The following LPAR3 variants were observed in gnomAD, a reference collection of about 807,000 sequenced individuals.
LPAR3 encodes the protein lysophosphatidic acid receptor 3.
A neutral mutation model predicts 17.8 loss-of-function variants in LPAR3; 7 were observed. The observed-to-expected ratio is 0.39, with a 90% CI of 0.22 to 0.74. The LOEUF is 0.74. LPAR3 is among the 30% of genes least tolerant of loss of function. The pLI is 0.40. For missense variants in LPAR3, 391 were observed against 453.4 expected (o/e 0.86, Z 1.25); for synonymous variants, 179 against 179.9 (o/e 0.99, Z 0.04).
chr1:84,814,187 A>G lies in LPAR3; in HGVS notation c.737-16T>C. ...ACAAACGCCCCTGCAAGGAGAGAAG[A>G]GGAGGCAACAGATGCTCAGACCTTA... On this transcript the variant is annotated splice_polypyrimidine_tract_variant and intron_variant, in intron 2 of 2. Transcript: ENST00000370611. 6.2e-7 allele frequency: 1 copy of G among 1,605,918 alleles called. No homozygotes were observed.
chr1:84,833,574 C>T (rs529080949), intron 2 of LPAR3, among the ~76,000 whole-genome samples: 8 of 152,152 alleles, frequency 5.3e-5, no homozygotes, highest in South Asian at 4.1e-4. Flanking sequence ...AGAACAGCAT[C>T]GGTCAGAGGG....
At chr1:84,820,283 C>T (rs1165077394) in intron 2 of LPAR3, among the ~76,000 whole-genome samples, 1 of 152,166 alleles carries the variant, frequency 6.6e-6, no homozygotes, top group African/African-American at 2.4e-5. Context: ...TATGCTGTGC[C>T]TCATGTGTTT....
intron 1 of LPAR3, among the ~76,000 whole-genome samples, chr1:84,878,192 A>T (rs992232881): frequency 7.9e-5 from 12 of 152,172 alleles, no homozygotes; most frequent in African/African-American, 2.7e-4. Context: ...TAAAGTATTC[A>T]ATTTGATTGA....
intron 2 of LPAR3, among the ~76,000 whole-genome samples, chr1:84,814,488 C>G (rs1658895031): frequency 6.6e-6 from 1 of 152,234 alleles, no homozygotes; most frequent in African/African-American, 2.4e-5. Context: ...CGTTAGTTCT[C>G]TGAACCACAC....
intron 1 of LPAR3, among the ~76,000 whole-genome samples, chr1:84,883,357 T>C (rs1161986034): frequency 1.3e-5 from 2 of 152,228 alleles, no homozygotes; most frequent in Admixed American, 1.3e-4. Context: ...TTCTCTCTTC[T>C]ACCAATCTAG....
chr1:84,865,844 C>T lies in LPAR3; in HGVS notation c.277G>A (p.Val93Ile). The T allele has an allele frequency of 6.2e-7, 1 of 1,614,190 alleles. No individual in the cohort carries two copies. Among genetic ancestry groups the T allele is most frequent in the South Asian group, 1.1e-5 (1 of 91,084 alleles). The change falls in exon 2 of 3, where the codon GTT (valine) becomes ATT (isoleucine). Residue 93 changes from valine (V) to isoleucine (I), a missense_variant. Physicochemically the swap from Val to Ile is conservative, Grantham distance 29. Transcript: ENST00000370611. Reference protein sequence around the residue: ...YVFLMFNTGPVSKTLTVNRWF... With the variant: ...YVFLMFNTGPISKTLTVNRWF... ...CGGTTGACAGTCAAAGTTTTTGAAA[C>T]TGGGCCTGTGTTAAACATCAGGAAT...
intron 2 of LPAR3, among the ~76,000 whole-genome samples, chr1:84,817,291 A>ACC (rs11473797): frequency 5.5e-5 from 8 of 144,686 alleles, no homozygotes; most frequent in African/African-American, 1.5e-4. Flanking sequence ...ACACACACAC[A>ACC]CCCCTCACTT....
chr1:84,891,447 T>C (rs567215098), intron 1 of LPAR3, among the ~76,000 whole-genome samples: 2 of 152,102 alleles, frequency 1.3e-5, no homozygotes, highest in African/African-American at 2.4e-5. Context: ...ACTGGCAGGG[T>C]TTGCTCGCTC....
chr1:84,827,023 G>A (rs1207803328), intron 2 of LPAR3, among the ~76,000 whole-genome samples: 1 of 152,080 alleles, frequency 6.6e-6, no homozygotes, highest in African/African-American at 2.4e-5. Flanking sequence ...TCTTTTAATG[G>A]CAGTTTCACT....
chr1:84,862,462 C>G (rs778344865), intron 2 of LPAR3, among the ~76,000 whole-genome samples: 1 of 152,222 alleles, frequency 6.6e-6, no homozygotes, highest in Non-Finnish European at 1.5e-5. Flanking sequence ...TGCTTAAACT[C>G]TCAGTTTCTC....
At chr1:84,843,524 G>T (rs1446800069) in intron 2 of LPAR3, among the ~76,000 whole-genome samples, 1 of 152,266 alleles carries the variant, frequency 6.6e-6, no homozygotes, top group Non-Finnish European at 1.5e-5. Flanking sequence ...GGTGCAGTGG[G>T]TCTATTCTGC....
intron 2 of LPAR3, among the ~76,000 whole-genome samples, chr1:84,817,261 T>TCTCACA (rs374303505): frequency 6.8e-6 from 1 of 147,428 alleles, no homozygotes; most frequent in African/African-American, 2.5e-5. Flanking sequence ...CCAGGATCTA[T>TCTCACA]CACACACACA....
chr1:84,868,305 T>G (rs1465309185), intron 1 of LPAR3, among the ~76,000 whole-genome samples: 1 of 152,202 alleles, frequency 6.6e-6, no homozygotes, highest in Admixed American at 6.5e-5. Flanking sequence ...AGACGGGGTT[T>G]CACCATGTTG....
At chr1:84,881,666 T>C (rs943059196) in intron 1 of LPAR3, among the ~76,000 whole-genome samples, 6 of 152,120 alleles carry the variant, frequency 3.9e-5, no homozygotes. Context: ...ATGGGCTCAG[T>C]GCTGCAGTGA....
intron 2 of LPAR3, among the ~76,000 whole-genome samples, chr1:84,850,645 C>A (rs1053651548): frequency 6.6e-6 from 1 of 152,116 alleles, no homozygotes; most frequent in African/African-American, 2.4e-5. Context: ...GATCCCCCAA[C>A]CTCTAGTCCC....
intron 2 of LPAR3, among the ~76,000 whole-genome samples, chr1:84,840,977 A>G (rs1011957643): frequency 2.0e-5 from 3 of 152,236 alleles, no homozygotes; most frequent in African/African-American, 7.2e-5. Flanking sequence ...TATTCACTGT[A>G]GACCTTCTTC....
At chr1:84,848,097 C>T (rs1210973447) in intron 2 of LPAR3, among the ~76,000 whole-genome samples, 2 of 152,188 alleles carry the variant, frequency 1.3e-5, no homozygotes, top group African/African-American at 2.4e-5. Context: ...CCAGATCTAG[C>T]CAGTTCCTTC....
chr1:84,836,002 C>T (rs1321949813), intron 2 of LPAR3, among the ~76,000 whole-genome samples: 5 of 134,684 alleles, frequency 3.7e-5, no homozygotes, highest in East Asian at 2.1e-4. Context: ...CCCCCAACCC[C>T]GGCCTTTTTT....
chr1:84,872,473 A>G lies in LPAR3; in HGVS notation c.-18-6335T>C, dbSNP rs535814680. 2.6e-5 allele frequency among the ~76,000 whole-genome samples: 4 copies of G among 152,306 alleles called. No individual in the cohort carries two copies. In the South Asian group the frequency reaches 8.3e-4, roughly 32 times the overall value. On this transcript the variant is annotated intron_variant, in intron 1 of 2. Coordinates refer to ENST00000370611, the MANE Select transcript of LPAR3 (RefSeq NM_012152.3). The stretch of plus-strand genomic sequence containing the variant: ...TCTATTAGTATGAACACCAGAAACA[A>G]AGATTCCTCTTTGAATAATACTTCA...
Sources: gnomAD v4.1 joint callset for allele counts (sites outside exome capture counted in the v4.1 genomes callset) on GRCh38, gnomAD v4.1.1 for gene constraint, MANE v1.5 for transcripts, NCBI Gene and HGNC (gene_info 2026-07-23, HGNC 2026-07-21) for gene names.